THRAP3: variants seen among roughly 807,000 people sequenced by gnomAD.
The protein encoded by THRAP3 is thyroid hormone receptor-associated protein 3.
THRAP3 carries 16 observed loss-of-function variants against 101.0 expected under a neutral mutation model. That is an observed-to-expected ratio of 0.16 (90% CI 0.11 to 0.24). The LOEUF is 0.24. Ranked by LOEUF, THRAP3 falls within the 10% of genes least tolerant of loss-of-function variation. The probability of loss-of-function intolerance (pLI) is 1.00; values close to 1 mark genes in which losing one functional copy is unlikely to be tolerated. For synonymous variants in THRAP3, 407 were observed against 422.6 expected, an observed-to-expected ratio of 0.96 and a Z score of 0.45; for missense variants, 989 against 1,202.7, an observed-to-expected ratio of 0.82 and a Z score of 2.63.
chr1:36,293,742 T>G, intron 7 of THRAP3, 109 bp from the exon 8 acceptor site: 1 of 883,118 alleles, frequency 1.1e-6, no homozygotes, highest in East Asian at 2.7e-5. Context: ...TCATGAAACG[T>G]AAGGAAAAAT....
upstream of THRAP3, among the ~76,000 whole-genome samples, chr1:36,220,953 C>CAAAAAA (rs1206488922): frequency 1.4e-4 from 6 of 44,384 alleles, no homozygotes; most frequent in African/African-American, 6.7e-4. Flanking sequence ...GAGACTGTCT[C>CAAAAAA]AAAAAAAAAA....
rs1234962202 is a variant in THRAP3 at position 36,304,643 on chromosome 1, G to A, written c.*626G>A. ...TCAAGGAGGAGTTTAAGGCCTTTCC[G>A]ACCACCTTGTGTTCCCCTTTTCTGC... On this transcript the variant is annotated 3_prime_UTR_variant, in exon 12 of 12. Coordinates refer to ENST00000354618, the MANE Select transcript of THRAP3 (RefSeq NM_005119.4). 4.5e-6 allele frequency: 1 copy of A among 221,096 alleles called. No individual in the cohort carries two copies. The highest frequency in any genetic ancestry group is 9.1e-6 in the Non-Finnish European group (1 of 110,144). The allele number at this position is 221,096 out of a possible 1,614,324, so 13.7% of individuals were successfully genotyped here. A position where few individuals can be genotyped will look rare whatever the true frequency, so the allele number is the denominator to read the frequency against.
upstream of THRAP3, among the ~76,000 whole-genome samples, chr1:36,221,683 A>G (rs920180106): frequency 1.3e-5 from 2 of 152,220 alleles, no homozygotes; most frequent in African/African-American, 4.8e-5. Flanking sequence ...TCTTGGGTTC[A>G]AGCGATTCTC....
At chr1:36,274,625 C>CTTTTTTTT (rs573419051) in intron 2 of THRAP3, among the ~76,000 whole-genome samples, 25 of 59,318 alleles carry the variant, frequency 4.2e-4, no homozygotes, top group African/African-American at 1.3e-3. Flanking sequence ...ATTAATTGGG[C>CTTTTTTTT]TTTTTTTTTT....
chr1:36,244,722 GTT>G (rs571871133), intron 1 of THRAP3, among the ~76,000 whole-genome samples: 5 of 142,116 alleles, frequency 3.5e-5, no homozygotes, highest in Non-Finnish European at 6.2e-5. Flanking sequence ...TTACTTGTGG[GTT>G]TTTTTTTTTT....
intron 8 of THRAP3, among the ~76,000 whole-genome samples, chr1:36,294,913 G>GA (rs1645925274): frequency 1.3e-5 from 2 of 151,990 alleles, no homozygotes; most frequent in Admixed American, 6.6e-5. Flanking sequence ...CCTCTGTTAG[G>GA]AAACAAATTA....
At chr1:36,269,256 A>C (rs892560713) in intron 2 of THRAP3, among the ~76,000 whole-genome samples, 1 of 152,186 alleles carries the variant, frequency 6.6e-6, no homozygotes, top group African/African-American at 2.4e-5. Context: ...GATGCCAAAC[A>C]AACAGTTGAA....
In THRAP3 at chr1:36,304,212, C is replaced by T. The variant is rs1367002674; in HGVS notation, c.*195C>T. On this transcript the variant is annotated 3_prime_UTR_variant, in exon 12 of 12. Transcript: ENST00000354618. ...GGACAGAGGAGGCTGGCCATGGGGCCCAGGGGTCAGGCCCAGCTTTTGAGC... is the reference window on the plus strand; with the variant it reads ...GGACAGAGGAGGCTGGCCATGGGGCTCAGGGGTCAGGCCCAGCTTTTGAGC... The T allele has an allele frequency of 3.9e-6, 3 of 765,360 alleles. No individual in the cohort carries two copies. The East Asian group carries it at 9.7e-5, about 25-fold the overall frequency. 47.4% of individuals were successfully genotyped at this position (765,360 alleles called of 1,614,324 possible).
upstream of THRAP3, among the ~76,000 whole-genome samples, chr1:36,220,021 G>A (rs764231086): frequency 2.0e-4 from 31 of 152,086 alleles, no homozygotes; most frequent in Non-Finnish European, 4.0e-4. Flanking sequence ...TTGGGATGGA[G>A]TCCCACTCTG....
At chr1:36,297,510 G>A (rs1233705227) in intron 9 of THRAP3, among the ~76,000 whole-genome samples, 6 of 147,456 alleles carry the variant, frequency 4.1e-5, no homozygotes, top group South Asian at 2.1e-4. Flanking sequence ...GTGCAGTGGC[G>A]CAATCTCAGC....
intron 4 of THRAP3, chr1:36,288,068 T>A (rs1645818346): frequency 1.0e-6 from 1 of 983,106 alleles, no homozygotes; most frequent in Non-Finnish European, 1.2e-6. Context: ...AACACGACTT[T>A]GACTTGATTA....
At chr1:36,242,064 C>A in intron 1 of THRAP3, 1 of 174,476 alleles carries the variant, frequency 5.7e-6, no homozygotes. Context: ...ATTAATTTTT[C>A]CATTCATAAT....
upstream of THRAP3, among the ~76,000 whole-genome samples, chr1:36,219,541 C>T (rs1326357137): frequency 6.6e-6 from 1 of 152,108 alleles, no homozygotes; most frequent in African/African-American, 2.4e-5. Context: ...TCTCCTGCCT[C>T]AGCCTCTCAA....
chr1:36,209,531 G>A, the THRAP3 span, among the ~76,000 whole-genome samples: 1 of 152,166 alleles, frequency 6.6e-6, no homozygotes, highest in Non-Finnish European at 1.5e-5. Context: ...TCCTCTGGGG[G>A]ATAGAATTGT....
intron 1 of THRAP3, among the ~76,000 whole-genome samples, chr1:36,242,736 C>T (rs1570248397): frequency 6.6e-6 from 1 of 152,166 alleles, no homozygotes; most frequent in Non-Finnish European, 1.5e-5. Flanking sequence ...CAGGCGTGAG[C>T]CACCACGCCC....
chr1:36,225,032 T>C (rs1644946076), intron 1 of THRAP3: 1 of 152,380 alleles, frequency 6.6e-6, no homozygotes. Context: ...GAGTTCTCAC[T>C]TTTTTCTTGG....
At chr1:36,274,608 A>G (rs1247017638) in intron 2 of THRAP3, among the ~76,000 whole-genome samples, 4 of 145,062 alleles carry the variant, frequency 2.8e-5, no homozygotes, top group African/African-American at 1.0e-4. Context: ...GAATCCTTAC[A>G]TTTATGATTA....
At chr1:36,257,798 C>T (rs939079614) in intron 1 of THRAP3, among the ~76,000 whole-genome samples, 10 of 152,106 alleles carry the variant, frequency 6.6e-5, no homozygotes, top group African/African-American at 2.4e-4. Context: ...CTTTTGCCAT[C>T]TGGTTAGAAT....
chr1:36,222,180 G>C (rs1164468981), upstream of THRAP3, among the ~76,000 whole-genome samples: 1 of 152,028 alleles, frequency 6.6e-6, no homozygotes, highest in Non-Finnish European at 1.5e-5. Context: ...TTACAGGTGT[G>C]AGCCACCACG....
Sources: allele counts gnomAD v4.1 joint callset (sites outside exome capture counted in the v4.1 genomes callset), GRCh38; gene constraint gnomAD v4.1.1; transcripts MANE v1.5; gene names NCBI Gene and HGNC (gene_info 2026-07-23, HGNC 2026-07-21).